ERC2: variants seen among roughly 807,000 people sequenced by gnomAD.
ERC2 encodes ELKS/RAB6-interacting/CAST family member 2.
Under a neutral mutation model 114.8 loss-of-function variants are expected in ERC2, and 42 were observed. That is an observed-to-expected ratio of 0.37 (90% CI 0.29 to 0.47). The LOEUF is 0.47. Among genes scored for constraint, ERC2 ranks in the 20% least tolerant of loss-of-function variants. The pLI, the probability that ERC2 is intolerant of heterozygous loss-of-function variation, is 0.99. For missense variants in ERC2, 939 were observed against 1,150.7 expected (o/e 0.82, Z 2.66); for synonymous variants, 454 against 425.5 (o/e 1.07, Z -0.82).
At chr3:55,634,321 G>A (rs932110415) in intron 17 of ERC2, among the ~76,000 whole-genome samples, 3 of 152,172 alleles carry the variant, frequency 2.0e-5, no homozygotes, top group Non-Finnish European at 2.9e-5. Flanking sequence ...AGCTACTTGG[G>A]ATGTATGTAA....
chr3:56,317,381 T>C (rs1366756159), intron 2 of ERC2, among the ~76,000 whole-genome samples: 1 of 152,024 alleles, frequency 6.6e-6, no homozygotes, highest in African/African-American at 2.4e-5. Flanking sequence ...AGGAGGCAGC[T>C]ACGAAGGTAG....
At chr3:56,203,972 G>C (rs1461166848) in intron 3 of ERC2, among the ~76,000 whole-genome samples, 1 of 152,066 alleles carries the variant, frequency 6.6e-6, no homozygotes, top group Non-Finnish European at 1.5e-5. Flanking sequence ...ACGAGGTCAG[G>C]AGTTCAAGAC....
At chr3:56,201,302 C>T (rs2048390485) in intron 3 of ERC2, among the ~76,000 whole-genome samples, 1 of 152,302 alleles carries the variant, frequency 6.6e-6, no homozygotes, top group African/African-American at 2.4e-5. Flanking sequence ...ACAGACTTGT[C>T]TCATGGACGT....
intron 4 of ERC2, among the ~76,000 whole-genome samples, chr3:56,156,265 A>C (rs1292798005): frequency 2.0e-5 from 3 of 152,144 alleles, no homozygotes; most frequent in African/African-American, 4.8e-5. Context: ...GAGGAGTCAA[A>C]GGTTTGAAGA....
intron 14 of ERC2, among the ~76,000 whole-genome samples, chr3:55,845,516 A>G (rs1415094567): frequency 1.3e-5 from 2 of 151,286 alleles, no homozygotes; most frequent in African/African-American, 2.4e-5. Context: ...AAAAAAAAAA[A>G]AAAAAAAAAA....
chr3:56,401,280 T>C (rs559508102), intron 2 of ERC2, among the ~76,000 whole-genome samples: 2 of 152,346 alleles, frequency 1.3e-5, no homozygotes, highest in South Asian at 2.1e-4. Flanking sequence ...ATTAATCAAC[T>C]GAGATTCTGA....
At chr3:56,430,706 T>C (rs2107329585) in intron 2 of ERC2, among the ~76,000 whole-genome samples, 1 of 152,222 alleles carries the variant, frequency 6.6e-6, no homozygotes, top group South Asian at 2.1e-4. Flanking sequence ...GGAGGAGCGA[T>C]TGAGCCCAGG....
At chr3:55,579,495 G>A (rs1490798016) in intron 17 of ERC2, among the ~76,000 whole-genome samples, 2 of 152,206 alleles carry the variant, frequency 1.3e-5, no homozygotes, top group African/African-American at 2.4e-5. Context: ...ATGTTATAAT[G>A]AGGTTTTGCT....
chr3:55,687,673 A>C (rs2062405893), intron 16 of ERC2, among the ~76,000 whole-genome samples: 1 of 152,182 alleles, frequency 6.6e-6, no homozygotes, highest in African/African-American at 2.4e-5. Flanking sequence ...CTCCACCCCT[A>C]ATTCATTCAT....
chr3:56,382,159 CT>C (rs1486425911), intron 2 of ERC2, among the ~76,000 whole-genome samples: 2 of 152,150 alleles, frequency 1.3e-5, no homozygotes, highest in Non-Finnish European at 2.9e-5. Flanking sequence ...CCCAGATCCT[CT>C]GCCATCCCTC....
intron 17 of ERC2, among the ~76,000 whole-genome samples, chr3:55,559,826 T>C (rs562561258): frequency 7.2e-5 from 11 of 152,372 alleles, no homozygotes; most frequent in African/African-American, 2.6e-4. Context: ...CTGTTTCAGC[T>C]TCTCCCCAGG....
intron 14 of ERC2, among the ~76,000 whole-genome samples, chr3:55,754,313 A>T (rs2066911913): frequency 1.3e-5 from 2 of 152,058 alleles, no homozygotes; most frequent in South Asian, 4.2e-4. Context: ...CCACAGGCTT[A>T]AGCAGATGTA....
chr3:56,232,049 T>A lies in ERC2; in HGVS notation c.1075-58529A>T, dbSNP rs553944569. ...GCAGTGGCATGATCATAGCTCACCA[T>A]AGTCTCAAACTTCAGTGTATAATTG... On this transcript the variant is annotated intron_variant, in intron 3 of 17. Transcript: ENST00000288221. Among the ~76,000 whole-genome samples the A allele has an allele frequency of 1.8e-4, 28 of 151,566 alleles. 1 individual carries two copies. The highest frequency in any genetic ancestry group is 2.0e-4 in the Admixed American group (3 of 15,198).
intron 17 of ERC2, among the ~76,000 whole-genome samples, chr3:55,636,437 T>TCACACAGCTGTTATAAGATTGAG (rs1295125519): frequency 6.6e-6 from 1 of 152,160 alleles, no homozygotes; most frequent in Non-Finnish European, 1.5e-5. Context: ...CATCATCGCC[T>TCACACAGCTGTTATAAGATTGAG]CACACAGCTG....
chr3:56,296,799 A>C lies in ERC2; in HGVS notation c.658-364T>G, dbSNP rs1016377689. On this transcript the variant is annotated intron_variant, in intron 2 of 17. Transcript: ENST00000288221. Reference sequence around the variant, plus strand: ...CTTCTTTATGCCCAGAATGCTCCAGACTCAGTATTCCTTGTTTCCTAAGGT... The same window carrying C: ...CTTCTTTATGCCCAGAATGCTCCAGCCTCAGTATTCCTTGTTTCCTAAGGT... 5.9e-5 allele frequency among the ~76,000 whole-genome samples: 9 copies of C among 152,156 alleles called. 1 individual carries two copies. The highest frequency in any genetic ancestry group is 5.9e-4 in the Admixed American group (9 of 15,278).
At chr3:55,760,366 C>T (rs9870897) in intron 14 of ERC2, among the ~76,000 whole-genome samples, 108,254 of 152,088 alleles carry the variant, frequency 0.71, 38,810 homozygotes, top group Middle Eastern at 0.81. Flanking sequence ...ACCCTACCTC[C>T]GTGATATTTT....
chr3:56,111,021 C>A (rs552243911), intron 6 of ERC2, among the ~76,000 whole-genome samples: 1 of 152,138 alleles, frequency 6.6e-6, no homozygotes, highest in East Asian at 1.9e-4. Context: ...GTAGGGCCAC[C>A]GAGGGACAGT....
intron 2 of ERC2, among the ~76,000 whole-genome samples, chr3:56,398,207 T>C (rs4974212): frequency 0.26 from 39,238 of 152,144 alleles, 5,365 homozygotes; most frequent in Non-Finnish European, 0.3. Context: ...CAAAGAACAT[T>C]CCTATGTATC....
chr3:56,461,671 C>T (rs2063324892), intron 1 of ERC2, among the ~76,000 whole-genome samples: 1 of 152,160 alleles, frequency 6.6e-6, no homozygotes, highest in African/African-American at 2.4e-5. Flanking sequence ...ATCTGAACAG[C>T]TATAAGATTC....
Sources: gnomAD v4.1 joint callset for allele counts (sites outside exome capture counted in the v4.1 genomes callset) on GRCh38, gnomAD v4.1.1 for gene constraint, MANE v1.5 for transcripts, NCBI Gene and HGNC (gene_info 2026-07-23, HGNC 2026-07-21) for gene names.